The following TMEM67 variants were observed in gnomAD, a reference collection of about 807,000 sequenced individuals.
The protein encoded by TMEM67 is meckelin.
A neutral mutation model predicts 136.6 loss-of-function variants in TMEM67; 124 were observed. The ratio of observed to expected loss-of-function variants is 0.91; its 90% CI spans 0.78 to 1.05. The LOEUF (loss-of-function observed/expected upper bound fraction) is 1.05. Among genes scored for constraint, TMEM67 ranks in the 50% least tolerant of loss-of-function variants. The pLI is 0.00. For synonymous variants in TMEM67, 364 were observed against 390.5 expected, an observed-to-expected ratio of 0.93 and a Z score of 0.80; for missense variants, 1,107 against 1,178.4, an observed-to-expected ratio of 0.94 and a Z score of 0.89.
chr8:93,827,928 A>G, the TMEM67 span, among the ~76,000 whole-genome samples: 2 of 152,116 alleles, frequency 1.3e-5, no homozygotes, highest in Admixed American at 6.6e-5. Flanking sequence ...AAAGGAATAA[A>G]CATACTGGTA....
chr8:93,812,741 A>AT (rs1450864436), intron 26 of TMEM67, among the ~76,000 whole-genome samples: 1 of 151,764 alleles, frequency 6.6e-6, no homozygotes, highest in African/African-American at 2.4e-5. Flanking sequence ...TATTGTTATT[A>AT]TTTTTTTTGT....
chr8:93,797,887 C>G (rs1306775512), intron 20 of TMEM67, among the ~76,000 whole-genome samples: 1 of 152,166 alleles, frequency 6.6e-6, no homozygotes, highest in Non-Finnish European at 1.5e-5. Flanking sequence ...GAGGCTGAGG[C>G]AGGAGAATTG....
chr8:93,802,482 A>T (rs917862934), intron 21 of TMEM67, among the ~76,000 whole-genome samples: 1 of 152,172 alleles, frequency 6.6e-6, no homozygotes, highest in Non-Finnish European at 1.5e-5. Context: ...ATCTAACTTC[A>T]TTCTTTGCTT....
chr8:93,782,513 T>C (rs1813885569), intron 11 of TMEM67, 53 bp downstream of exon 11: 1 of 1,384,218 alleles, frequency 7.2e-7, no homozygotes, highest in South Asian at 1.2e-5. Context: ...CAAAATATCA[T>C]GTCAGCAGTA....
At chr8:93,826,719 CCTT>C in the TMEM67 span, among the ~76,000 whole-genome samples, 1 of 152,166 alleles carries the variant, frequency 6.6e-6, no homozygotes, top group Non-Finnish European at 1.5e-5. Flanking sequence ...CAATTGATAA[CCTT>C]CTACAAGTAA....
intron 20 of TMEM67, 33 bp from the exon 21 acceptor site, chr8:93,799,585 C>T (rs561679536): frequency 9.3e-6 from 15 of 1,610,794 alleles, no homozygotes; most frequent in Middle Eastern, 3.3e-4. Flanking sequence ...TATCCATGTC[C>T]GTTTAAATTA....
chr8:93,822,424 T>C (rs1809054331), downstream of TMEM67, among the ~76,000 whole-genome samples: 1 of 152,230 alleles, frequency 6.6e-6, no homozygotes, highest in Non-Finnish European at 1.5e-5. Context: ...CTGTAACTTT[T>C]GGTTGGACTA....
intron 3 of TMEM67, among the ~76,000 whole-genome samples, chr8:93,761,789 A>T (rs1010070274): frequency 6.6e-6 from 1 of 152,212 alleles, no homozygotes; most frequent in African/African-American, 2.4e-5. Flanking sequence ...GCACTATTTT[A>T]TGTACTTGGT....
In TMEM67 at chr8:93,781,630, C is replaced by T. The variant is rs757370535; in HGVS notation, c.979-28C>T. 8 of 1,150,062 alleles carry T rather than the reference C, an allele frequency of 7.0e-6. No individual in the cohort carries two copies. In the South Asian group the frequency reaches 7.9e-5, roughly 11 times the overall value. The allele number at this position is 1,150,062 out of a possible 1,614,324, so 71.2% of individuals were successfully genotyped here. A position where few individuals can be genotyped will look rare whatever the true frequency, so the allele number is the denominator to read the frequency against. Reference sequence around the variant, plus strand: ...ATTGTATTACTTTCAGAGTATTTGACCTGATTTTGCTCGTTTTCTTTAATC... The same window carrying T: ...ATTGTATTACTTTCAGAGTATTTGATCTGATTTTGCTCGTTTTCTTTAATC... On this transcript the variant is annotated intron_variant, in intron 9 of 27. Transcript: ENST00000453321.
intron 3 of TMEM67, chr8:93,760,007 A>C: frequency 1.4e-6 from 2 of 1,468,764 alleles, no homozygotes; most frequent in South Asian, 2.8e-5. Context: ...AGTATTACTG[A>C]GGGATATGAA....
chr8:93,782,814 A>G (rs1431569911), intron 11 of TMEM67, among the ~76,000 whole-genome samples: 1 of 151,952 alleles, frequency 6.6e-6, no homozygotes, highest in Non-Finnish European at 1.5e-5. Flanking sequence ...ACCTCAGATG[A>G]TCTGCCCTCC....
In TMEM67 at chr8:93,780,927, A is replaced by C. The variant is rs375149263; in HGVS notation, c.923A>C (p.Gln308Pro). The change falls in exon 9 of 28, where the codon CAA (glutamine) becomes CCA (proline). Residue 308 changes from glutamine (Q) to proline (P), a missense_variant. Physicochemically the swap from Gln to Pro is moderately conservative, Grantham distance 76. This residue lies in a region of TMEM67 where 925 missense variants were observed against 1,002.4 expected (regional missense o/e 0.92). Transcript: ENST00000453321. ...FYGDQLGLAP[Q>P]VLSSTSLPTN... ...GGAGACCAGTTAGGATTAGCACCTC[A>C]AGTGCTCAGTTCTACCTCTCTTCCT... is the stretch of plus-strand genomic sequence containing the variant. 6.2e-7 allele frequency: 1 copy of C among 1,612,478 alleles called. No homozygotes were observed. The highest frequency in any genetic ancestry group is 8.5e-7 in the Non-Finnish European group (1 of 1,179,848).
At chr8:93,755,286 C>T in intron 1 of TMEM67, 149 bp downstream of exon 1, 1 of 824,704 alleles carries the variant, frequency 1.2e-6, no homozygotes, top group East Asian at 2.6e-5. Context: ...TCCCAAAGTG[C>T]TGGGATTACA....
At chr8:93,822,205 A>G (rs1232329949), downstream of TMEM67, among the ~76,000 whole-genome samples, 1 of 152,256 alleles carries the variant, frequency 6.6e-6, no homozygotes, top group Non-Finnish European at 1.5e-5. Flanking sequence ...ATCCCTCAAA[A>G]GAAGGTTTCC....
In TMEM67 at chr8:93,759,769, C is replaced by G. The variant is rs1586339063; in HGVS notation, c.406+1193C>G. On this transcript the variant is annotated intron_variant, in intron 3 of 27. Coordinates refer to ENST00000453321, the MANE Select transcript of TMEM67 (RefSeq NM_153704.6). ...GTTCAAGCGATTCTCCTGCCTCAGC[C>G]TCCCGAGTAGTTGGGATTATAGGCA... 1.3e-5 allele frequency: 4 copies of G among 317,790 alleles called. No individual in the cohort carries two copies. In the East Asian group the frequency reaches 2.2e-4, roughly 18 times the overall value. 19.7% of individuals were successfully genotyped at this position (317,790 alleles called of 1,614,324 possible). A position where few individuals can be genotyped will look rare whatever the true frequency, so the allele number is the denominator to read the frequency against.
At chr8:93,796,941 G>A (rs1295552806) in intron 18 of TMEM67, among the ~76,000 whole-genome samples, 193 bp from the exon 19 acceptor site, 1 of 152,140 alleles carries the variant, frequency 6.6e-6, no homozygotes, top group Non-Finnish European at 1.5e-5. Flanking sequence ...TGAAAATTCT[G>A]TGAATTTGAT....
intron 4 of TMEM67, among the ~76,000 whole-genome samples, chr8:93,764,563 AT>A (rs1201853472): frequency 6.6e-6 from 1 of 152,038 alleles, no homozygotes; most frequent in African/African-American, 2.4e-5. Context: ...ATTTAAGCAC[AT>A]TATACCAATT....
At chr8:93,831,356 A>G in the TMEM67 span, among the ~76,000 whole-genome samples, 1 of 152,270 alleles carries the variant, frequency 6.6e-6, no homozygotes, top group Non-Finnish European at 1.5e-5. Flanking sequence ...TAAAACAGAC[A>G]TGGAACTTGT....
Position 93,782,387 on chromosome 8 carries a change from T to C in TMEM67, c.1066-8T>C. On this transcript the variant is annotated splice_polypyrimidine_tract_variant and splice_region_variant and intron_variant, in intron 10 of 27. Coordinates refer to ENST00000453321, the MANE Select transcript of TMEM67 (RefSeq NM_153704.6). Reference sequence around the variant, plus strand: ...GTGAGATTTATCTGTTGTATTATTTTGCTGCAGCTTTGTCCAGACACAGAG... The same window carrying C: ...GTGAGATTTATCTGTTGTATTATTTCGCTGCAGCTTTGTCCAGACACAGAG... 8 of 1,607,866 alleles carry C rather than the reference T, an allele frequency of 5.0e-6. No homozygotes were observed. The highest frequency in any genetic ancestry group is 6.0e-6 in the Non-Finnish European group (7 of 1,174,890).
Sources: allele counts gnomAD v4.1 joint callset (sites outside exome capture counted in the v4.1 genomes callset), GRCh38; gene constraint gnomAD v4.1.1; regional missense constraint gnomAD v4.1.1; transcripts MANE v1.5; gene names NCBI Gene and HGNC (gene_info 2026-07-23, HGNC 2026-07-21).